Variants in SHANK2 observed in about 807,000 individuals in gnomAD.
SHANK2 encodes the protein SH3 and multiple ankyrin repeat domains 2.
SHANK2 carries 43 observed loss-of-function variants against 133.7 expected under a neutral mutation model. The observed-to-expected ratio is 0.32, with a 90% CI of 0.25 to 0.41. SHANK2 has a LOEUF of 0.41. Among genes scored for constraint, SHANK2 ranks in the 10% least tolerant of loss-of-function variants. SHANK2 has a pLI of 1.00. For synonymous variants in SHANK2, 1,017 were observed against 952.8 expected (o/e 1.07, Z -1.24); for missense variants, 1,994 against 2,235.8 (o/e 0.89, Z 2.18).
chr11:71,131,030 G>A (rs1269893965), intron 3 of SHANK2, among the ~76,000 whole-genome samples: 2 of 152,198 alleles, frequency 1.3e-5, no homozygotes, highest in Non-Finnish European at 2.9e-5. Context: ...TTAAGGACCC[G>A]TCATAAACAC....
chr11:71,110,535 G>T (rs953176178), intron 5 of SHANK2, among the ~76,000 whole-genome samples: 1 of 152,232 alleles, frequency 6.6e-6, no homozygotes, highest in Non-Finnish European at 1.5e-5. Context: ...AGCCGAGGCT[G>T]CAGTGAGCTG....
rs981509702 is a variant in SHANK2 at position 70,487,975 on chromosome 11, A to G, written c.2573-255T>C. Among the ~76,000 whole-genome samples the G allele has an allele frequency of 6.6e-6, 1 of 152,240 alleles. No individual in the cohort carries two copies. Among genetic ancestry groups the G allele is most frequent in the East Asian group, 1.9e-4 (1 of 5,184 alleles). On this transcript the variant is annotated intron_variant, in intron 24 of 25. Transcript: ENST00000601538. This position sits in a 1 kb window ranked among gnomAD's most constrained non-coding sequence, Gnocchi z 5.8. ...CTGCTGCTGTGGGGCCTCCAGGCAC[A>G]GGCTGCAGCAGGGGAGCTGTGTGAG...
At chr11:70,599,925 AAG>A (rs1378395578) in intron 17 of SHANK2, among the ~76,000 whole-genome samples, 102 of 114,044 alleles carry the variant, frequency 8.9e-4, no homozygotes, top group African/African-American at 4.7e-3. Context: ...GAAAGAAAGA[AAG>A]AAAGAAAGAA....
At chr11:70,866,101 G>A (rs1263201654) in intron 11 of SHANK2, among the ~76,000 whole-genome samples, 1 of 152,246 alleles carries the variant, frequency 6.6e-6, no homozygotes, top group South Asian at 2.1e-4. Context: ...TGCCTCTGTC[G>A]GAAAGGCCTA....
chr11:70,600,688 A>C (rs1185847348), intron 17 of SHANK2, among the ~76,000 whole-genome samples: 3 of 152,128 alleles, frequency 2.0e-5, no homozygotes, highest in Non-Finnish European at 4.4e-5. Context: ...GATCTTGGAG[A>C]AAAGTGTTTT....
chr11:70,912,809 A>C (rs1218843652), intron 10 of SHANK2, among the ~76,000 whole-genome samples: 1 of 152,160 alleles, frequency 6.6e-6, no homozygotes, highest in Non-Finnish European at 1.5e-5. Context: ...AAAATGAACT[A>C]ATACAGGTGT....
chr11:70,823,851 C>T (rs781897007), intron 11 of SHANK2, among the ~76,000 whole-genome samples: 7 of 150,478 alleles, frequency 4.7e-5, no homozygotes, highest in Non-Finnish European at 1.0e-4. Context: ...TGACAGAGCT[C>T]CTGGGGGACA....
At chr11:70,907,152 G>A (rs1416878180) in intron 10 of SHANK2, among the ~76,000 whole-genome samples, 8 of 152,236 alleles carry the variant, frequency 5.3e-5, no homozygotes, top group Non-Finnish European at 1.0e-4. Context: ...GGAAGCTATT[G>A]TAGGAGCAGT....
chr11:70,778,954 C>T (rs1193973932), intron 14 of SHANK2, among the ~76,000 whole-genome samples: 5 of 151,992 alleles, frequency 3.3e-5, no homozygotes, highest in Non-Finnish European at 5.9e-5. Flanking sequence ...CATCCTGTAG[C>T]GGCAGGAGGG....
At chr11:70,913,910 T>G (rs1203135533) in intron 10 of SHANK2, among the ~76,000 whole-genome samples, 1 of 152,228 alleles carries the variant, frequency 6.6e-6, no homozygotes. Flanking sequence ...CATCTCATTG[T>G]TCAGGTAATG....
chr11:70,543,555 C>T (rs2059650442), intron 17 of SHANK2, among the ~76,000 whole-genome samples: 1 of 152,202 alleles, frequency 6.6e-6, no homozygotes, highest in South Asian at 2.1e-4. Context: ...CGTGGAGGTT[C>T]CTTGGGGGTG....
At chr11:70,725,604 C>T (rs149105450) in intron 14 of SHANK2, among the ~76,000 whole-genome samples, 2 of 152,332 alleles carry the variant, frequency 1.3e-5, no homozygotes, top group East Asian at 1.9e-4. Context: ...ATGAACCTCA[C>T]CCCAATACCG....
intron 15 of SHANK2, chr11:70,698,361 G>A (rs574357331): frequency 6.4e-5 from 26 of 407,518 alleles, no homozygotes; most frequent in African/African-American, 3.4e-4. Flanking sequence ...GGATGCTGCT[G>A]CCCCAATACT....
At chr11:70,558,889 G>A (rs548697704) in intron 17 of SHANK2, among the ~76,000 whole-genome samples, 202 of 152,374 alleles carry the variant, frequency 1.3e-3, no homozygotes, top group African/African-American at 4.6e-3. Context: ...AGCAGCCCCC[G>A]TTGGAGTCGG....
At chr11:70,576,063 A>G (rs1554984169) in intron 17 of SHANK2, among the ~76,000 whole-genome samples, 2 of 152,008 alleles carry the variant, frequency 1.3e-5, no homozygotes, top group East Asian at 1.9e-4. Flanking sequence ...CTCTCCCCAC[A>G]AGGAGAGCAT....
At chr11:70,534,091 G>A (rs574163833) in intron 17 of SHANK2, among the ~76,000 whole-genome samples, 649 of 152,346 alleles carry the variant, frequency 4.3e-3, no homozygotes, top group Non-Finnish European at 7.6e-3. Context: ...CTGCCCTAGA[G>A]GGGCAGTGTA....
intron 3 of SHANK2, among the ~76,000 whole-genome samples, chr11:71,128,773 G>A (rs782051949): frequency 3.9e-5 from 6 of 152,152 alleles, no homozygotes; most frequent in South Asian, 2.1e-4. Context: ...GCCCCAGCCC[G>A]AGCTGCCTGA....
At chr11:70,886,921 G>A (rs1045588255) in intron 11 of SHANK2, among the ~76,000 whole-genome samples, 3 of 152,004 alleles carry the variant, frequency 2.0e-5, no homozygotes, top group Non-Finnish European at 4.4e-5. Flanking sequence ...AAAACCCCTC[G>A]CTTCTCTCTC....
At chr11:70,815,465 C>T (rs576871273) in intron 12 of SHANK2, among the ~76,000 whole-genome samples, 1 of 152,238 alleles carries the variant, frequency 6.6e-6, no homozygotes, top group South Asian at 2.1e-4. Context: ...ACTAACAGCC[C>T]TCACCTCCCA....
Sources: gnomAD v4.1 joint callset for allele counts (sites outside exome capture counted in the v4.1 genomes callset) on GRCh38, gnomAD v4.1.1 for gene constraint, Gnocchi (gnomAD v3.1) non-coding constraint, MANE v1.5 for transcripts, NCBI Gene and HGNC (gene_info 2026-07-23, HGNC 2026-07-21) for gene names.